Variants in BAG3 observed in about 807,000 individuals in gnomAD.
BAG3 encodes BAG family molecular chaperone regulator 3.
BAG3 carries 14 observed loss-of-function variants against 40.5 expected under a neutral mutation model. The observed-to-expected ratio is 0.35, with a 90% CI of 0.23 to 0.54. The LOEUF (loss-of-function observed/expected upper bound fraction) is 0.54. Ranked by LOEUF, BAG3 falls within the 20% of genes least tolerant of loss-of-function variation. The pLI is 0.91. For synonymous variants in BAG3, 302 were observed against 307.8 expected (o/e 0.98, Z 0.20); for missense variants, 788 against 758.6 (o/e 1.04, Z -0.46).
intron 1 of BAG3, among the ~76,000 whole-genome samples, chr10:119,654,872 C>T (rs1219045357): frequency 1.3e-5 from 2 of 152,180 alleles, no homozygotes; most frequent in East Asian, 3.9e-4. Flanking sequence ...GGAGCAGGGC[C>T]GCTCTAGCTC....
chr10:119,658,370 G>A (rs1035863143), intron 1 of BAG3, among the ~76,000 whole-genome samples: 2 of 152,184 alleles, frequency 1.3e-5, no homozygotes, highest in African/African-American at 2.4e-5. Context: ...TTCTGACAGC[G>A]CTCCATGCCG....
chr10:119,666,881 C>T (rs1438080643), intron 1 of BAG3, among the ~76,000 whole-genome samples: 1 of 152,258 alleles, frequency 6.6e-6, no homozygotes, highest in Non-Finnish European at 1.5e-5. Flanking sequence ...CCTCAGAAAG[C>T]TCTTTCGAGA....
chr10:119,657,905 C>T (rs1234731120), intron 1 of BAG3, among the ~76,000 whole-genome samples: 2 of 152,166 alleles, frequency 1.3e-5, no homozygotes, highest in African/African-American at 2.4e-5. Context: ...GATCAGACAC[C>T]GTATACGTGA....
chr10:119,658,444 T>C (rs1361687120), intron 1 of BAG3, among the ~76,000 whole-genome samples: 3 of 152,226 alleles, frequency 2.0e-5, no homozygotes, highest in Non-Finnish European at 2.9e-5. Flanking sequence ...CACTCTCGTG[T>C]ACCCTGCCTG....
In BAG3 at chr10:119,676,782, C is replaced by T; in HGVS notation, c.1228C>T (p.Pro410Ser). The T allele has an allele frequency of 1.9e-6, 3 of 1,614,164 alleles. No individual in the cohort carries two copies. The highest frequency in any genetic ancestry group is 2.5e-6 in the Non-Finnish European group (3 of 1,180,040). The change falls in exon 4 of 4, where the codon CCA becomes TCA. Residue 410 changes from proline (P) to serine (S), a missense_variant. By Grantham distance (74) the Pro-to-Ser change is moderately conservative. Coordinates refer to ENST00000369085, the MANE Select transcript of BAG3 (RefSeq NM_004281.4). ...TAPAEATPPKPGEAEAPPKHP... is the reference protein window; with the variant it reads ...TAPAEATPPKSGEAEAPPKHP... ...CCCTGCAGAAGCTACACCTCCAAAA[C>T]CAGGAGAAGCCGAGGCTCCCCCAAA... is the stretch of plus-strand genomic sequence containing the variant.
intron 2 of BAG3, among the ~76,000 whole-genome samples, chr10:119,670,857 T>C (rs929599691): frequency 1.3e-5 from 2 of 152,246 alleles, no homozygotes; most frequent in Non-Finnish European, 2.9e-5. Context: ...GTAGGATTCC[T>C]AAGCAGTAAG....
intron 1 of BAG3, among the ~76,000 whole-genome samples, chr10:119,667,265 C>T (rs1031025433): frequency 6.6e-6 from 1 of 152,198 alleles, no homozygotes; most frequent in Non-Finnish European, 1.5e-5. Flanking sequence ...GCTTGAGCCA[C>T]CGTGCCTGGC....
At chr10:119,666,745 C>T (rs1847074790) in intron 1 of BAG3, among the ~76,000 whole-genome samples, 1 of 152,202 alleles carries the variant, frequency 6.6e-6, no homozygotes, top group Non-Finnish European at 1.5e-5. Context: ...GGATCAGCAG[C>T]TCTCCCAGTT....
chr10:119,651,963 C>G, intron 1 of BAG3, 108 bp downstream of exon 1: 1 of 1,000,388 alleles, frequency 1.0e-6, no homozygotes, highest in African/African-American at 1.7e-5. Context: ...CGGGGGTCGG[C>G]GAAGGCCCCT....
chr10:119,670,949 C>T (rs1385082496), intron 2 of BAG3, among the ~76,000 whole-genome samples: 1 of 152,200 alleles, frequency 6.6e-6, no homozygotes, highest in Non-Finnish European at 1.5e-5. Context: ...GTCCTATCTG[C>T]ACCCTGAGTC....
rs2134050309 is a variant in BAG3 at position 119,651,611 on chromosome 10, C to G, written c.-65C>G. On this transcript the variant is annotated 5_prime_UTR_variant, in exon 1 of 4. Coordinates refer to ENST00000369085, the MANE Select transcript of BAG3 (RefSeq NM_004281.4). ...GAGGGGCCCACGGCGGCGGCCCGGC[C>G]AGAGACTCGGCGCCCGGAGCCAGCG... The G allele has an allele frequency of 7.2e-7, 1 of 1,395,628 alleles. No homozygotes were observed. Among genetic ancestry groups the G allele is most frequent in the African/African-American group, 1.5e-5 (1 of 66,486 alleles). The allele number at this position is 1,395,628 out of a possible 1,614,324, so 86.5% of individuals were successfully genotyped here.
chr10:119,670,291 C>T (rs1448276800), intron 2 of BAG3, 114 bp downstream of exon 2: 2 of 1,172,544 alleles, frequency 1.7e-6, no homozygotes, highest in East Asian at 2.6e-5. Flanking sequence ...ACATGCAGGG[C>T]ATCTGGGTCT....
rs536307949 is a variant in BAG3 at position 119,673,650 on chromosome 10, C to G, written c.909+994C>G. ...ACAAATGTGGGATATTCTTTCATTA[C>G]AAATGGTCACACTGGCCAGGGCCCT... On this transcript the variant is annotated intron_variant, in intron 3 of 3. Coordinates refer to ENST00000369085, the MANE Select transcript of BAG3 (RefSeq NM_004281.4). Among the ~76,000 whole-genome samples the G allele has an allele frequency of 9.2e-5, 14 of 152,328 alleles. 1 individual carries two copies. The East Asian group carries it at 2.5e-3, about 27-fold the overall frequency.
chr10:119,677,493 G>A lies in BAG3; in HGVS notation c.*211G>A. On this transcript the variant is annotated 3_prime_UTR_variant, in exon 4 of 4. Transcript: ENST00000369085. The stretch of plus-strand genomic sequence containing the variant: ...CTCTGTACAAATAAAGAAGTTGCTT[G>A]TTGTTTGAGAAGTTTAACCCCGTTG... 1.4e-6 allele frequency: 1 copy of A among 700,366 alleles called. No individual in the cohort carries two copies. The highest frequency in any genetic ancestry group is 2.3e-6 in the Non-Finnish European group (1 of 426,276). The allele number at this position is 700,366 out of a possible 1,614,324, so 43.4% of individuals were successfully genotyped here.
At chr10:119,663,698 C>T (rs1410894358) in intron 1 of BAG3, among the ~76,000 whole-genome samples, 2 of 152,050 alleles carry the variant, frequency 1.3e-5, no homozygotes, top group Admixed American at 6.6e-5. Flanking sequence ...TAGGAGTAGT[C>T]GTTTTTAGAT....
chr10:119,664,906 G>A (rs576383179), intron 1 of BAG3, among the ~76,000 whole-genome samples: 1 of 152,116 alleles, frequency 6.6e-6, no homozygotes, highest in African/African-American at 2.4e-5. Flanking sequence ...TCTTCCAGGT[G>A]GTGTTTTTTG....
intron 1 of BAG3, among the ~76,000 whole-genome samples, chr10:119,660,205 G>C (rs186879133): frequency 6.6e-6 from 1 of 152,208 alleles, no homozygotes; most frequent in Non-Finnish European, 1.5e-5. Flanking sequence ...GCTCCCAGGC[G>C]GACCCTTCTG....
intron 1 of BAG3, among the ~76,000 whole-genome samples, chr10:119,668,329 C>T (rs574060634): frequency 6.6e-6 from 1 of 152,376 alleles, no homozygotes; most frequent in African/African-American, 2.4e-5. Flanking sequence ...AAGTGCAGAG[C>T]AGCCCTCAGT....
At chr10:119,673,350 C>T (rs1847178892) in intron 3 of BAG3, among the ~76,000 whole-genome samples, 1 of 152,224 alleles carries the variant, frequency 6.6e-6, no homozygotes, top group Non-Finnish European at 1.5e-5. Context: ...CATGTCTTAA[C>T]CCCCCTCCTC....
Sources: gnomAD v4.1 joint callset for allele counts (sites outside exome capture counted in the v4.1 genomes callset) on GRCh38, gnomAD v4.1.1 for gene constraint, MANE v1.5 for transcripts, NCBI Gene and HGNC (gene_info 2026-07-23, HGNC 2026-07-21) for gene names.